Variants in PDE1C observed in about 807,000 individuals in gnomAD.
PDE1C encodes the protein dual specificity calcium/calmodulin-dependent 3',5'-cyclic nucleotide phosphodiesterase 1C.
In PDE1C, 62 loss-of-function variants were observed where a neutral mutation model predicts 93.1. That is an observed-to-expected ratio of 0.67 (90% CI 0.54 to 0.82). The LOEUF is 0.82. Ranked by LOEUF, PDE1C falls within the 40% of genes least tolerant of loss-of-function variation. The pLI, the probability that PDE1C is intolerant of heterozygous loss-of-function variation, is 0.00. For missense variants in PDE1C, 742 were observed against 884.6 expected, an observed-to-expected ratio of 0.84 and a Z score of 2.04; for synonymous variants, 325 against 310.1, an observed-to-expected ratio of 1.05 and a Z score of -0.50.
chr7:31,991,278 G>A (rs1487071688), intron 2 of PDE1C, among the ~76,000 whole-genome samples: 2 of 152,268 alleles, frequency 1.3e-5, no homozygotes, highest in East Asian at 1.9e-4. Context: ...CTGGGCAATG[G>A]TCAAATTCAG....
At chr7:31,829,084 C>T (rs939973214) in intron 11 of PDE1C, among the ~76,000 whole-genome samples, 2 of 151,984 alleles carry the variant, frequency 1.3e-5, no homozygotes, top group East Asian at 3.9e-4. Flanking sequence ...ACTTGTCATA[C>T]CCCCAGAGGA....
chr7:32,162,858 C>T (rs776944582), intron 3 of PDE1C, among the ~76,000 whole-genome samples: 5 of 151,930 alleles, frequency 3.3e-5, no homozygotes, highest in Non-Finnish European at 5.9e-5. Context: ...TCCCAAACTA[C>T]CAGTGAGAGG....
At chr7:31,992,032 T>C (rs916430703) in intron 2 of PDE1C, among the ~76,000 whole-genome samples, 1 of 152,206 alleles carries the variant, frequency 6.6e-6, no homozygotes, top group Non-Finnish European at 1.5e-5. Flanking sequence ...GAGGCTTCTG[T>C]TTCCGTGAGC....
intron 2 of PDE1C, among the ~76,000 whole-genome samples, chr7:31,924,050 G>A (rs974040890): frequency 1.3e-5 from 2 of 152,184 alleles, no homozygotes; most frequent in African/African-American, 2.4e-5. Flanking sequence ...AAATCCTGAT[G>A]TGAGGTTTCT....
chr7:31,620,250 G>C, the PDE1C span, among the ~76,000 whole-genome samples: 3 of 152,124 alleles, frequency 2.0e-5, no homozygotes, highest in Non-Finnish European at 4.4e-5. Context: ...GCTTTGAAGA[G>C]AGCAGTGGTT....
chr7:32,236,600 C>T (rs1028624113), intron 1 of PDE1C, among the ~76,000 whole-genome samples: 17 of 152,016 alleles, frequency 1.1e-4, no homozygotes, highest in African/African-American at 1.4e-4. Flanking sequence ...AACCACCGTG[C>T]GATACTACTC....
At chr7:32,135,284 T>C (rs1800140364) in intron 3 of PDE1C, among the ~76,000 whole-genome samples, 1 of 152,164 alleles carries the variant, frequency 6.6e-6, no homozygotes, top group Admixed American at 6.5e-5. Context: ...AAGGCAGTGA[T>C]GGTGAGAAGT....
At chr7:31,706,724 C>T in the PDE1C span, among the ~76,000 whole-genome samples, 4 of 152,208 alleles carry the variant, frequency 2.6e-5, no homozygotes, top group Admixed American at 1.3e-4. Flanking sequence ...CAGGAAAAGC[C>T]GACATTTACT....
chr7:31,843,971 A>G (rs1315814628), intron 9 of PDE1C, among the ~76,000 whole-genome samples: 1 of 151,744 alleles, frequency 6.6e-6, no homozygotes, highest in Non-Finnish European at 1.5e-5. Flanking sequence ...ACTTTATGTA[A>G]CATTTAAAAA....
At chr7:31,657,052 C>T in the PDE1C span, among the ~76,000 whole-genome samples, 1 of 70,224 alleles carries the variant, frequency 1.4e-5, no homozygotes, top group African/African-American at 5.4e-5. Context: ...CACACACACA[C>T]ACGCACTATA....
At chr7:31,935,803 A>G (rs2128990072) in intron 2 of PDE1C, among the ~76,000 whole-genome samples, 1 of 152,166 alleles carries the variant, frequency 6.6e-6, no homozygotes, top group South Asian at 2.1e-4. Context: ...GGGTCCTCTT[A>G]TTTATCAGGG....
At chr7:32,182,083 T>C (rs909458434) in intron 2 of PDE1C, among the ~76,000 whole-genome samples, 9 of 152,070 alleles carry the variant, frequency 5.9e-5, no homozygotes, top group African/African-American at 2.2e-4. Context: ...ATATACACAC[T>C]CCCAAGACTA....
At chr7:32,040,515 C>G (rs1791677911) in intron 2 of PDE1C, among the ~76,000 whole-genome samples, 1 of 152,076 alleles carries the variant, frequency 6.6e-6, no homozygotes, top group South Asian at 2.1e-4. Context: ...CCAAATCACC[C>G]CCAGTCGAGA....
At chr7:31,736,074 C>T in the PDE1C span, among the ~76,000 whole-genome samples, 5 of 152,198 alleles carry the variant, frequency 3.3e-5, no homozygotes, top group Non-Finnish European at 5.9e-5. Flanking sequence ...ATTCTCAATC[C>T]ATAGTTGAGT....
At chr7:31,792,942 G>A (rs1294942780) in intron 16 of PDE1C, among the ~76,000 whole-genome samples, 1 of 152,048 alleles carries the variant, frequency 6.6e-6, no homozygotes, top group Non-Finnish European at 1.5e-5. Flanking sequence ...AACTATTTAA[G>A]TGCCTGCCCC....
the PDE1C span, among the ~76,000 whole-genome samples, chr7:31,728,729 G>A: frequency 3.9e-5 from 6 of 152,188 alleles, no homozygotes; most frequent in Non-Finnish European, 8.8e-5. Context: ...TTAAATATAT[G>A]TCAGTCCTGG....
upstream of PDE1C, among the ~76,000 whole-genome samples, chr7:32,071,817 T>G (rs1796080067): frequency 1.3e-5 from 2 of 152,084 alleles, no homozygotes; most frequent in Admixed American, 1.3e-4. Flanking sequence ...CCAAGATGAT[T>G]GCAAGCGACA....
chr7:32,222,088 A>G (rs889619553), intron 1 of PDE1C, among the ~76,000 whole-genome samples: 2 of 152,240 alleles, frequency 1.3e-5, no homozygotes, highest in Non-Finnish European at 2.9e-5. Context: ...CTTTGAGCTC[A>G]TGAGATCTAG....
chr7:32,129,059 T>C (rs1799768206), intron 3 of PDE1C, among the ~76,000 whole-genome samples: 1 of 150,594 alleles, frequency 6.6e-6, no homozygotes, highest in Non-Finnish European at 1.5e-5. Context: ...TAAGTGATAT[T>C]GACAATTAGT....
Sources: gnomAD v4.1 joint callset for allele counts (sites outside exome capture counted in the v4.1 genomes callset) on GRCh38, gnomAD v4.1.1 for gene constraint, MANE v1.5 for transcripts, NCBI Gene and HGNC (gene_info 2026-07-23, HGNC 2026-07-21) for gene names.